CERKL: variants seen among roughly 807,000 people sequenced by gnomAD.
CERKL encodes ceramide kinase-like protein.
CERKL carries 61 observed loss-of-function variants against 63.4 expected under a neutral mutation model. The observed-to-expected ratio is 0.96, with a 90% CI of 0.78 to 1.19. CERKL has a LOEUF of 1.19. Ranked by LOEUF, CERKL falls within the 50% of genes most tolerant of loss-of-function variation. The probability of loss-of-function intolerance (pLI) is 0.00; values close to 1 mark genes in which losing one functional copy is unlikely to be tolerated. For synonymous variants in CERKL, 250 were observed against 230.5 expected, an observed-to-expected ratio of 1.08 and a Z score of -0.77; for missense variants, 675 against 655.5, an observed-to-expected ratio of 1.03 and a Z score of -0.33.
In CERKL at chr2:181,600,774, C is replaced by A. The variant is rs147465507; in HGVS notation, c.481+3063G>T. Among the ~76,000 whole-genome samples the A allele has an allele frequency of 7.9e-5, 12 of 152,260 alleles. No individual in the cohort carries two copies. In the South Asian group the frequency reaches 2.5e-3, roughly 32 times the overall value. On this transcript the variant is annotated intron_variant, in intron 2 of 12. Transcript: ENST00000410087. ...ATAATAGTGGGGGACTTCAACACCC[C>A]ACTCACAGCACCAGACAGATCACCA...
chr2:181,572,556 C>T (rs1688950896), intron 3 of CERKL, among the ~76,000 whole-genome samples: 1 of 152,122 alleles, frequency 6.6e-6, no homozygotes, highest in Admixed American at 6.6e-5. Context: ...TTCCTTCAGC[C>T]AATCTTTGGA....
intron 2 of CERKL, among the ~76,000 whole-genome samples, chr2:181,589,183 T>A (rs1684886562): frequency 6.6e-6 from 1 of 152,194 alleles, no homozygotes; most frequent in Non-Finnish European, 1.5e-5. Context: ...TATTGGTGTA[T>A]CCTTTCTACC....
At chr2:181,539,917 T>C (rs951513570) in intron 11 of CERKL, among the ~76,000 whole-genome samples, 5 of 152,180 alleles carry the variant, frequency 3.3e-5, no homozygotes, top group African/African-American at 1.2e-4. Context: ...TTTTCTGACA[T>C]AATTAAGAAA....
Position 181,656,798 on chromosome 2 carries a change from C to T in CERKL, c.209G>A (p.Trp70Ter). The change falls in exon 1 of 13, where the codon TGG becomes TAG. Residue 70 changes from tryptophan (W) to a stop codon, truncating the protein, a stop_gained. Transcript: ENST00000410087. LOFTEE classifies it high-confidence loss of function. ...CGGGCGCTCGGGCTGAATGGGCCGCCACCGCAGTGCTCGCTCGCTCAGCAC... is the reference window on the plus strand; with the variant it reads ...CGGGCGCTCGGGCTGAATGGGCCGCTACCGCAGTGCTCGCTCGCTCAGCAC... ...DVVLSERALR[W>*]RPIQPERPAG... The T allele has an allele frequency of 6.3e-7, 1 of 1,596,426 alleles. No individual in the cohort carries two copies. Among genetic ancestry groups the T allele is most frequent in the Non-Finnish European group, 8.6e-7 (1 of 1,169,334 alleles).
intron 10 of CERKL, among the ~76,000 whole-genome samples, 182 bp from the exon 11 acceptor site, chr2:181,544,978 G>A (rs771011979): frequency 6.6e-6 from 1 of 152,148 alleles, no homozygotes; most frequent in South Asian, 2.1e-4. Flanking sequence ...TTTAAATGAT[G>A]CAGGCTTTCA....
chr2:181,616,206 A>ATTTTTTTTTTTTTTTTTTTT (rs35040208), intron 1 of CERKL, among the ~76,000 whole-genome samples: 1 of 110,072 alleles, frequency 9.1e-6, no homozygotes. Context: ...AAAAATCTAA[A>ATTTTTTTTTTTTTTTTTTTT]TTTTTTTTTT....
At position 181,648,424 on chromosome 2, in the gene CERKL, G is replaced by A. The variant is rs185057916; in HGVS notation, c.238+8345C>T. Among the ~76,000 whole-genome samples, 264 of 151,986 alleles carry A rather than the reference G, an allele frequency of 1.7e-3. 2 individuals are homozygous for A. Among genetic ancestry groups the A allele is most frequent in the Non-Finnish European group, 2.6e-3 (175 of 67,958 alleles). On this transcript the variant is annotated intron_variant, in intron 1 of 12. Coordinates refer to ENST00000410087, the MANE Select transcript of CERKL (RefSeq NM_201548.5). ...AAAAGAACAAAAAAAAACGAGTCTC[G>A]GCCAAGGACAAAAGATACTATATCC...
intron 1 of CERKL, among the ~76,000 whole-genome samples, chr2:181,630,217 C>T (rs934515069): frequency 1.3e-5 from 2 of 151,896 alleles, no homozygotes; most frequent in Non-Finnish European, 2.9e-5. Flanking sequence ...CCCCCACTCC[C>T]CCTGCCCCCC....
At chr2:181,598,785 C>T (rs1271659364) in intron 2 of CERKL, among the ~76,000 whole-genome samples, 2 of 151,970 alleles carry the variant, frequency 1.3e-5, no homozygotes, top group African/African-American at 2.4e-5. Context: ...CCCAAGGAAT[C>T]CATAAAGAGC....
At chr2:181,553,367 A>G (rs960230802) in intron 5 of CERKL, among the ~76,000 whole-genome samples, 2 of 152,160 alleles carry the variant, frequency 1.3e-5, no homozygotes. Flanking sequence ...TTAGAGTCAG[A>G]TATTTAGGAT....
chr2:181,612,559 T>C (rs973186114), intron 1 of CERKL, among the ~76,000 whole-genome samples: 2 of 152,106 alleles, frequency 1.3e-5, no homozygotes, highest in Admixed American at 6.5e-5. Context: ...TTTAGATTTA[T>C]CCACAGTGTT....
chr2:181,566,112 T>C lies in CERKL; in HGVS notation c.623A>G (p.Tyr208Cys). ...AAGCAGTGACAGAGCGTGCCCTTCATATTCCATTACTATTAAAAAAACACA... is the reference window on the plus strand; with the variant it reads ...AAGCAGTGACAGAGCGTGCCCTTCACATTCCATTACTATTAAAAAAACACA... The part of the protein sequence containing the change: ...GIKTDVTIME[Y>C]EGHALSLLKE... Residue 208 changes from tyrosine (Y) to cysteine (C), a missense_variant, in exon 4 of 13, where the codon TAT (tyrosine) becomes TGT (cysteine). Tyr to Cys is a radical substitution (Grantham distance 194). Coordinates refer to ENST00000410087, the MANE Select transcript of CERKL (RefSeq NM_201548.5). 1 of 1,610,744 alleles carries C rather than the reference T, an allele frequency of 6.2e-7. No homozygotes were observed.
chr2:181,567,187 G>A (rs1407390888), intron 3 of CERKL, among the ~76,000 whole-genome samples: 1 of 152,000 alleles, frequency 6.6e-6, no homozygotes, highest in Non-Finnish European at 1.5e-5. Context: ...TCAGAAGAAA[G>A]CCATAATAAA....
chr2:181,645,239 G>A (rs368434001), intron 1 of CERKL, among the ~76,000 whole-genome samples: 67 of 152,244 alleles, frequency 4.4e-4, no homozygotes, highest in African/African-American at 1.5e-3. Flanking sequence ...AGTTAATGAG[G>A]AGTTGGTATC....
In CERKL at chr2:181,650,773, G is replaced by GA. The variant is rs1228667437; in HGVS notation, c.238+5995dup. 4.8e-4 allele frequency among the ~76,000 whole-genome samples: 67 copies of GA among 139,602 alleles called. No individual in the cohort carries two copies. In the South Asian group the frequency reaches 5.7e-3, roughly 12 times the overall value. 91.6% of individuals were successfully genotyped at this position (139,602 alleles called of 152,430 possible). On this transcript the variant is annotated intron_variant, in intron 1 of 12. Coordinates refer to ENST00000410087, the MANE Select transcript of CERKL (RefSeq NM_201548.5). ...AAACTCCATCTCAAAAAAAAAGAAAGAAAGAAAAAAAAGAACAGAACAAAC... is the reference window on the plus strand; with the variant it reads ...AAACTCCATCTCAAAAAAAAAGAAAGAAAAGAAAAAAAAGAACAGAACAAAC...
chr2:181,652,549 G>A (rs765935089), intron 1 of CERKL, among the ~76,000 whole-genome samples: 1 of 152,114 alleles, frequency 6.6e-6, no homozygotes, highest in Admixed American at 6.5e-5. Flanking sequence ...AAGAAAAAAG[G>A]GAAATTATTC....
chr2:181,602,174 G>C (rs979758307), intron 2 of CERKL, among the ~76,000 whole-genome samples: 5 of 152,030 alleles, frequency 3.3e-5, no homozygotes, highest in African/African-American at 1.2e-4. Flanking sequence ...CTTTCTCTTG[G>C]TTTTATGGCT....
chr2:181,630,673 G>GGGTCCCTTGATTTTGAAGT (rs1686918905), intron 1 of CERKL, among the ~76,000 whole-genome samples: 1 of 152,106 alleles, frequency 6.6e-6, no homozygotes, highest in Admixed American at 6.6e-5. Flanking sequence ...AACCCCAATG[G>GGGTCCCTTGATTTTGAAGT]CACCTTGATT....
chr2:181,643,709 A>G (rs1366884114), intron 1 of CERKL, among the ~76,000 whole-genome samples: 2 of 152,260 alleles, frequency 1.3e-5, no homozygotes, highest in Middle Eastern at 3.2e-3. Flanking sequence ...TGTTTCCAAC[A>G]TGAGATAGCA....
Sources: allele counts gnomAD v4.1 joint callset (sites outside exome capture counted in the v4.1 genomes callset), GRCh38; gene constraint gnomAD v4.1.1; transcripts MANE v1.5; gene names NCBI Gene and HGNC (gene_info 2026-07-23, HGNC 2026-07-21).